SUGP1: variants seen among roughly 807,000 people sequenced by gnomAD.
SUGP1 encodes SURP and G-patch domain containing 1.
Under a neutral mutation model 76.5 loss-of-function variants are expected in SUGP1, and 34 were observed. That is an observed-to-expected ratio of 0.44 (90% confidence interval 0.34 to 0.59). The LOEUF is 0.59. Among genes scored for constraint, SUGP1 ranks in the 20% least tolerant of loss-of-function variants. SUGP1 has a pLI of 0.01. For synonymous variants in SUGP1, 326 were observed against 326.2 expected (o/e 1.00, Z 0.01); for missense variants, 752 against 851.7 (o/e 0.88, Z 1.46).
intron 2 of SUGP1, among the ~76,000 whole-genome samples, chr19:19,312,485 AC>A (rs2061359505): frequency 6.6e-6 from 1 of 152,182 alleles, no homozygotes; most frequent in Non-Finnish European, 1.5e-5. Flanking sequence ...ATATGGATGT[AC>A]CCAATGGTGC....
At chr19:19,320,222 G>A (rs1209581325) in intron 1 of SUGP1, among the ~76,000 whole-genome samples, 4 of 152,222 alleles carry the variant, frequency 2.6e-5, no homozygotes, top group Non-Finnish European at 5.9e-5. Context: ...CGGGACGCAG[G>A]GCCGAGCCGG....
chr19:19,316,498 G>C lies in SUGP1; in HGVS notation c.130C>G (p.Arg44Gly). 6.2e-7 allele frequency: 1 copy of C among 1,613,782 alleles called. No individual in the cohort carries two copies. The highest frequency in any genetic ancestry group is 8.5e-7 in the Non-Finnish European group (1 of 1,179,994). ...TGTTCCATTTTGGCTTCAATTTCCC[G>C]TTTCTTCTGAGCGATGAGCTCTTCC... ...HQEELIAQKK[R>G]EIEAKMEQKA... Residue 44 changes from arginine (R) to glycine (G), a missense_variant, in exon 2 of 14, where the codon CGG becomes GGG. This residue lies in a region of SUGP1 where 620 missense variants were observed against 617.3 expected (regional missense o/e 1.00). Transcript: ENST00000247001.
Position 19,303,367 on chromosome 19 carries a change from C to T in SUGP1, c.744G>A (p.Ser248=), listed in dbSNP as rs146659898. Residue 248 remains serine (S), a synonymous_variant, in exon 6 of 14, where the codon TCG becomes TCA. Coordinates refer to ENST00000247001, the MANE Select transcript of SUGP1 (RefSeq NM_172231.4). The stretch of plus-strand genomic sequence containing the variant: ...ACCTACCTTTCTGAGAGGCTGCCTG[C>T]GACTTCTGTGCTTCCTTTCTTATCT... ...VAEIRKEAQK[S]QAASQKVSPP... 1.1e-4 allele frequency: 175 copies of T among 1,613,976 alleles called. No individual in the cohort carries two copies. The highest frequency in any genetic ancestry group is 1.4e-4 in the Non-Finnish European group (166 of 1,179,976).
At chr19:19,309,678 A>C (rs2061340220) in intron 3 of SUGP1, among the ~76,000 whole-genome samples, 1 of 152,212 alleles carries the variant, frequency 6.6e-6, no homozygotes, top group Admixed American at 6.5e-5. Context: ...TGGGAGGCTG[A>C]GGTGGGCGGA....
Position 19,299,553 on chromosome 19 carries a change from T to TG in SUGP1, c.888-2210_888-2209insC, listed in dbSNP as rs2061255252. 2.0e-5 allele frequency among the ~76,000 whole-genome samples: 3 copies of TG among 151,174 alleles called. 1 individual carries two copies. The South Asian group carries it at 6.3e-4, about 32-fold the overall frequency. ...ACACCCGGCTAATTTTTTTTTTTTT[T>TG]TGTATTTTTTAGTAGAGACGGGGTT... On this transcript the variant is annotated intron_variant, in intron 7 of 13. Transcript: ENST00000247001.
At chr19:19,307,468 G>A (rs752902674) in intron 3 of SUGP1, among the ~76,000 whole-genome samples, 3 of 152,020 alleles carry the variant, frequency 2.0e-5, no homozygotes, top group African/African-American at 7.3e-5. Flanking sequence ...AAAAAATAAC[G>A]TCGAGTAAGA....
chr19:19,293,081 AT>A (rs1342175949), intron 8 of SUGP1, among the ~76,000 whole-genome samples: 6 of 150,844 alleles, frequency 4.0e-5, no homozygotes, highest in Non-Finnish European at 8.9e-5. Context: ...TAATTTTTGA[AT>A]TTTTTTTGGT....
At chr19:19,307,189 C>G (rs1328877935) in intron 3 of SUGP1, among the ~76,000 whole-genome samples, 1 of 151,852 alleles carries the variant, frequency 6.6e-6, no homozygotes, top group Non-Finnish European at 1.5e-5. Flanking sequence ...GTAGCTGGGA[C>G]TACAGGTGCA....
intron 8 of SUGP1, among the ~76,000 whole-genome samples, chr19:19,290,628 A>C (rs1159401805): frequency 6.6e-6 from 1 of 152,078 alleles, no homozygotes; most frequent in Non-Finnish European, 1.5e-5. Context: ...CGGATAAAAG[A>C]GCAAGACTCT....
chr19:19,310,343 A>C, intron 2 of SUGP1, 143 bp from the exon 3 acceptor site: 2 of 653,412 alleles, frequency 3.1e-6, no homozygotes. Context: ...TGGGACCCCA[A>C]ACTGGCCCCC....
At chr19:19,317,571 G>A (rs1178683951) in intron 1 of SUGP1, among the ~76,000 whole-genome samples, 5 of 152,162 alleles carry the variant, frequency 3.3e-5, no homozygotes, top group Non-Finnish European at 5.9e-5. Flanking sequence ...AGGCTGGAGT[G>A]CAGTGGTGTG....
intron 4 of SUGP1, among the ~76,000 whole-genome samples, chr19:19,305,332 T>C (rs1273339728): frequency 1.3e-5 from 2 of 152,180 alleles, no homozygotes; most frequent in Non-Finnish European, 2.9e-5. Flanking sequence ...TTTGCCCTCC[T>C]ACACTGGGCG....
chr19:19,316,496 C>T lies in SUGP1; in HGVS notation c.132G>A (p.Arg44=). 1 of 1,613,872 alleles carries T rather than the reference C, an allele frequency of 6.2e-7. No individual in the cohort carries two copies. Residue 44 remains arginine, a synonymous_variant, in exon 2 of 14, where the codon CGG becomes CGA. Coordinates refer to ENST00000247001, the MANE Select transcript of SUGP1 (RefSeq NM_172231.4). ...HQEELIAQKK[R]EIEAKMEQKA... is the part of the protein sequence containing the mutation. ...TCTGTTCCATTTTGGCTTCAATTTC[C>T]CGTTTCTTCTGAGCGATGAGCTCTT...
At chr19:19,285,147 G>A (rs574660119) in intron 8 of SUGP1, among the ~76,000 whole-genome samples, 6 of 152,002 alleles carry the variant, frequency 3.9e-5, no homozygotes, top group Non-Finnish European at 7.4e-5. Flanking sequence ...GATTACAGGC[G>A]TGAGCTACCG....
At chr19:19,282,442 TAA>T (rs537092970) in intron 8 of SUGP1, among the ~76,000 whole-genome samples, 37 of 137,326 alleles carry the variant, frequency 2.7e-4, no homozygotes, top group Admixed American at 3.6e-4. Context: ...CTATTTATGT[TAA>T]AAAAAAAAAA....
At chr19:19,320,065 A>G (rs1189342713) in intron 1 of SUGP1, among the ~76,000 whole-genome samples, 1 of 152,232 alleles carries the variant, frequency 6.6e-6, no homozygotes, top group East Asian at 1.9e-4. Flanking sequence ...GGAGCCTCAA[A>G]GCACTTCGGA....
chr19:19,298,415 G>A (rs1404575012), intron 7 of SUGP1, among the ~76,000 whole-genome samples: 4 of 152,122 alleles, frequency 2.6e-5, no homozygotes, highest in African/African-American at 9.7e-5. Context: ...GGACAATCAC[G>A]CGAACCTGGG....
intron 8 of SUGP1, chr19:19,281,104 G>C (rs1167067668): frequency 2.6e-5 from 4 of 152,388 alleles, no homozygotes; most frequent in Non-Finnish European, 4.4e-5. Flanking sequence ...GGGGAGCCCT[G>C]TTGGGGAGAC....
At chr19:19,317,350 G>C (rs536463265) in intron 1 of SUGP1, among the ~76,000 whole-genome samples, 1 of 152,306 alleles carries the variant, frequency 6.6e-6, no homozygotes, top group South Asian at 2.1e-4. Flanking sequence ...GAGCAGATGT[G>C]AAAGCTCAAG....
Sources: allele counts gnomAD v4.1 joint callset (sites outside exome capture counted in the v4.1 genomes callset), GRCh38; gene constraint gnomAD v4.1.1; regional missense constraint gnomAD v4.1.1; transcripts MANE v1.5; gene names NCBI Gene and HGNC (gene_info 2026-07-23, HGNC 2026-07-21).